Variants in ADARB2 observed in about 807,000 individuals in gnomAD.
ADARB2 encodes the protein inactive double-stranded RNA-specific editase B2.
Under a neutral mutation model 62.2 loss-of-function variants are expected in ADARB2, and 25 were observed. That is an observed-to-expected ratio of 0.40 (90% confidence interval 0.29 to 0.56). The LOEUF is 0.56. ADARB2 is among the 20% of genes least tolerant of loss of function. ADARB2 has a pLI of 0.43. For missense variants in ADARB2, 1,071 were observed against 1,077.4 expected (o/e 0.99, Z 0.08); for synonymous variants, 572 against 500.8 (o/e 1.14, Z -1.90).
At chr10:1,364,735 G>A (rs1022634151) in intron 2 of ADARB2, among the ~76,000 whole-genome samples, 11 of 152,190 alleles carry the variant, frequency 7.2e-5, no homozygotes, top group African/African-American at 2.7e-4. Flanking sequence ...GTACAGGCAT[G>A]CCTCCTTGTT....
At chr10:1,671,255 T>G (rs1205405821) in intron 1 of ADARB2, among the ~76,000 whole-genome samples, 1 of 152,212 alleles carries the variant, frequency 6.6e-6, no homozygotes, top group Non-Finnish European at 1.5e-5. Flanking sequence ...CCCAGAGGTC[T>G]GTGCTCCGCT....
At chr10:1,256,222 G>C (rs1428883404) in intron 4 of ADARB2, among the ~76,000 whole-genome samples, 1 of 152,208 alleles carries the variant, frequency 6.6e-6, no homozygotes, top group African/African-American at 2.4e-5. Flanking sequence ...TGGCTCTGCT[G>C]TGGAGACTGA....
chr10:1,279,801 T>G (rs1831354318), intron 3 of ADARB2, among the ~76,000 whole-genome samples: 1 of 152,196 alleles, frequency 6.6e-6, no homozygotes, highest in Non-Finnish European at 1.5e-5. Context: ...CTGTTATATT[T>G]TGGGAACATG....
chr10:1,471,330 T>C (rs1831319608), intron 1 of ADARB2, among the ~76,000 whole-genome samples: 1 of 152,160 alleles, frequency 6.6e-6, no homozygotes, highest in Non-Finnish European at 1.5e-5. Flanking sequence ...CGGCAGCTAA[T>C]TGCCCTTCTT....
At chr10:1,655,043 T>G (rs983826290) in intron 1 of ADARB2, among the ~76,000 whole-genome samples, 9 of 152,200 alleles carry the variant, frequency 5.9e-5, no homozygotes, top group Non-Finnish European at 1.3e-4. Context: ...TCACTTCCCC[T>G]GCAGACCCTT....
rs1454674207 is a variant in ADARB2 at position 1,277,059 on chromosome 10, G to A, written c.1078-5990C>T. On this transcript the variant is annotated intron_variant, in intron 3 of 9. Transcript: ENST00000381312. ...AATAAAGATGTTCTTTGAAACCAAG[G>A]AGAACAAAGACACAACATACCAGAA... 3.3e-5 allele frequency among the ~76,000 whole-genome samples: 5 copies of A among 152,156 alleles called. No homozygotes were observed. In the South Asian group the frequency reaches 8.3e-4, roughly 25 times the overall value.
In ADARB2 at chr10:1,704,618, C is replaced by T. The variant is rs1171192400; in HGVS notation, c.100+32433G>A. On this transcript the variant is annotated intron_variant, in intron 1 of 9. Coordinates refer to ENST00000381312, the MANE Select transcript of ADARB2 (RefSeq NM_018702.4). This position sits in a 1 kb window ranked among gnomAD's most constrained non-coding sequence, Gnocchi z 5.6. ...AACAGGTCCTGGACCAGTACCAGTC[C>T]TTGGCCCGGGGGCTGGAGACGTCTG... 1.3e-5 allele frequency among the ~76,000 whole-genome samples: 2 copies of T among 152,204 alleles called. No individual in the cohort carries two copies. Among genetic ancestry groups the T allele is most frequent in the Admixed American group, 1.3e-4 (2 of 15,280 alleles).
At chr10:1,408,946 G>A (rs1319829135) in intron 1 of ADARB2, among the ~76,000 whole-genome samples, 1 of 152,192 alleles carries the variant, frequency 6.6e-6, no homozygotes, top group African/African-American at 2.4e-5. Flanking sequence ...GGGCTGGCCG[G>A]GTTGTGTTCC....
At chr10:1,714,450 G>A (rs1337065863) in intron 1 of ADARB2, among the ~76,000 whole-genome samples, 1 of 152,192 alleles carries the variant, frequency 6.6e-6, no homozygotes, top group Non-Finnish European at 1.5e-5. Context: ...GGTCAAAGCT[G>A]CCTCTAGGCA....
rs1172342865 is a variant in ADARB2 at position 1,472,272 on chromosome 10, T to G, written c.101-93112A>C. ...ATACTTTTCTCCAGCTGACCATGCA[T>G]GAGGGGCAAGGGTGGCCACAGGAGG... is the stretch of plus-strand genomic sequence containing the variant. On this transcript the variant is annotated intron_variant, in intron 1 of 9. Coordinates refer to ENST00000381312, the MANE Select transcript of ADARB2 (RefSeq NM_018702.4). Among the ~76,000 whole-genome samples, 7 of 152,328 alleles carry G rather than the reference T, an allele frequency of 4.6e-5. No individual in the cohort carries two copies. The East Asian group carries it at 1.2e-3, about 25-fold the overall frequency.
At chr10:1,360,051 C>T (rs545936274) in intron 3 of ADARB2, among the ~76,000 whole-genome samples, 6 of 152,384 alleles carry the variant, frequency 3.9e-5, no homozygotes, top group Admixed American at 1.3e-4. Context: ...TCTTTGCTGG[C>T]TTCTACCGAA....
At chr10:1,598,655 G>A (rs934556732) in intron 1 of ADARB2, among the ~76,000 whole-genome samples, 2 of 152,228 alleles carry the variant, frequency 1.3e-5, no homozygotes, top group African/African-American at 2.4e-5. Flanking sequence ...GAGGAGGAAG[G>A]ATCCCTGGGC....
In ADARB2 at chr10:1,339,751, G is replaced by A. The variant is rs74119529; in HGVS notation, c.1077+23277C>T. 9.6e-3 allele frequency among the ~76,000 whole-genome samples: 1,458 copies of A among 152,334 alleles called. 27 individuals are homozygous for A. Among genetic ancestry groups the A allele is most frequent in the African/African-American group, 0.034 (1,396 of 41,566 alleles). The stretch of plus-strand genomic sequence containing the variant: ...TCTGAAGCCCCACTGGGAGCTCAGA[G>A]GATGAAGAAACATCCATCGATAGCA... On this transcript the variant is annotated intron_variant, in intron 3 of 9. Transcript: ENST00000381312.
chr10:1,262,148 G>C (rs1489854295), intron 4 of ADARB2, among the ~76,000 whole-genome samples: 1 of 109,790 alleles, frequency 9.1e-6, no homozygotes, highest in African/African-American at 3.7e-5. Context: ...GTGGTGGGGT[G>C]GGGGGAGGGG....
At chr10:1,463,725 T>C (rs1284634753) in intron 1 of ADARB2, among the ~76,000 whole-genome samples, 1 of 152,120 alleles carries the variant, frequency 6.6e-6, no homozygotes, top group Non-Finnish European at 1.5e-5. Context: ...CTCTTTGAAA[T>C]GCACTAAGAA....
chr10:1,186,781 GC>G (rs1836765119), intron 8 of ADARB2, among the ~76,000 whole-genome samples: 1 of 152,234 alleles, frequency 6.6e-6, no homozygotes, highest in Admixed American at 6.5e-5. Context: ...TGGTGGAGAG[GC>G]CCAGGTGTCA....
chr10:1,679,159 G>A (rs1030230004), intron 1 of ADARB2, among the ~76,000 whole-genome samples: 6 of 152,182 alleles, frequency 3.9e-5, no homozygotes, highest in Non-Finnish European at 8.8e-5. Flanking sequence ...TAACCCAGCT[G>A]TGGAGAGAGA....
At chr10:1,631,628 T>C (rs931764054) in intron 1 of ADARB2, among the ~76,000 whole-genome samples, 2 of 152,134 alleles carry the variant, frequency 1.3e-5, no homozygotes, top group African/African-American at 4.8e-5. Context: ...GGCAGATGAA[T>C]GGGTCTGGTG....
chr10:1,217,198 G>A (rs1830637215), intron 6 of ADARB2, 79 bp from the exon 7 acceptor site: 5 of 1,369,514 alleles, frequency 3.7e-6, no homozygotes, highest in South Asian at 2.9e-5. Context: ...AGGAAGGACT[G>A]CAACAGAGGT....
Sources: gnomAD v4.1 joint callset for allele counts (sites outside exome capture counted in the v4.1 genomes callset) on GRCh38, gnomAD v4.1.1 for gene constraint, Gnocchi (gnomAD v3.1) non-coding constraint, MANE v1.5 for transcripts, NCBI Gene and HGNC (gene_info 2026-07-23, HGNC 2026-07-21) for gene names.